Variants in FAM185A observed in about 807,000 individuals in gnomAD.
FAM185A encodes protein FAM185A.
Under a neutral mutation model 45.7 loss-of-function variants are expected in FAM185A, and 21 were observed. The ratio of observed to expected loss-of-function variants is 0.46; its 90% CI spans 0.33 to 0.66. The LOEUF (loss-of-function observed/expected upper bound fraction) is 0.66. Ranked by LOEUF, FAM185A falls within the 30% of genes least tolerant of loss-of-function variation. The probability of loss-of-function intolerance (pLI) is 0.03; values close to 1 mark genes in which losing one functional copy is unlikely to be tolerated. For synonymous variants in FAM185A, 117 were observed against 194.0 expected (o/e 0.60, Z 3.30); for missense variants, 305 against 485.4 (o/e 0.63, Z 3.49).
At chr7:102,796,993 TC>T (rs1796468486) in intron 7 of FAM185A, among the ~76,000 whole-genome samples, 1 of 152,216 alleles carries the variant, frequency 6.6e-6, no homozygotes, top group Non-Finnish European at 1.5e-5. Context: ...ATTGTATACT[TC>T]CTCAGTATAC....
chr7:102,811,473 G>A (rs1283273726), downstream of FAM185A, among the ~76,000 whole-genome samples: 1 of 152,162 alleles, frequency 6.6e-6, no homozygotes, highest in African/African-American at 2.4e-5. Context: ...TTATGTAGCT[G>A]TAAAATTTGT....
chr7:102,846,361 A>G, the FAM185A span, among the ~76,000 whole-genome samples: 1 of 152,158 alleles, frequency 6.6e-6, no homozygotes, highest in Admixed American at 6.5e-5. Context: ...GCTGATGCCT[A>G]TAATACTGGC....
the FAM185A span, among the ~76,000 whole-genome samples, chr7:102,821,416 C>T: frequency 6.6e-6 from 1 of 152,204 alleles, no homozygotes; most frequent in African/African-American, 2.4e-5. Context: ...TGTTCTTCCT[C>T]AGGCCTCAAG....
intron 7 of FAM185A, among the ~76,000 whole-genome samples, chr7:102,802,228 G>T (rs1796841230): frequency 6.6e-6 from 1 of 152,142 alleles, no homozygotes; most frequent in African/African-American, 2.4e-5. Context: ...TCCAACAACT[G>T]CAGGATACAC....
rs186088843 is a variant in FAM185A at position 102,787,041 on chromosome 7, T to C, written c.932-294T>C. 1.8e-3 allele frequency among the ~76,000 whole-genome samples: 273 copies of C among 152,262 alleles called. 1 individual carries two copies. The highest frequency in any genetic ancestry group is 6.3e-3 in the African/African-American group (260 of 41,548). Reference sequence around the variant, plus strand: ...TCCTATCTATAAGCTACAGGTGTAGTAAATTACTCACTTTCTGGTGTTGGA... The same window carrying C: ...TCCTATCTATAAGCTACAGGTGTAGCAAATTACTCACTTTCTGGTGTTGGA... On this transcript the variant is annotated intron_variant, in intron 6 of 7. Coordinates refer to ENST00000413034, the MANE Select transcript of FAM185A (RefSeq NM_001145268.2).
chr7:102,825,031 AG>A, the FAM185A span, among the ~76,000 whole-genome samples: 8 of 152,252 alleles, frequency 5.3e-5, no homozygotes, highest in Non-Finnish European at 1.0e-4. Context: ...GATGTAGTTT[AG>A]TTTATCATTT....
chr7:102,788,426 T>C (rs1425827768), intron 7 of FAM185A, among the ~76,000 whole-genome samples: 3 of 152,106 alleles, frequency 2.0e-5, no homozygotes, highest in South Asian at 2.1e-4. Context: ...AAAGGAAGAA[T>C]TGGGGAGTAG....
chr7:102,783,229 T>C (rs149805825), intron 6 of FAM185A, among the ~76,000 whole-genome samples: 28,769 of 150,710 alleles, frequency 0.19, 3,148 homozygotes, highest in East Asian at 0.52. Flanking sequence ...CTGTCAGCAT[T>C]AGACAGATCA....
chr7:102,849,775 A>T, the FAM185A span, among the ~76,000 whole-genome samples: 1 of 152,148 alleles, frequency 6.6e-6, no homozygotes, highest in South Asian at 2.1e-4. Context: ...CAGAAGTATG[A>T]ATCTTGGAAG....
intron 5 of FAM185A, among the ~76,000 whole-genome samples, chr7:102,776,154 T>C (rs1333872367): frequency 7.0e-6 from 1 of 143,402 alleles, no homozygotes; most frequent in Non-Finnish European, 1.5e-5. Context: ...AGTATAATTT[T>C]TGGCATAGTT....
downstream of FAM185A, among the ~76,000 whole-genome samples, chr7:102,813,906 T>G (rs1451834019): frequency 6.6e-6 from 1 of 152,138 alleles, no homozygotes; most frequent in Non-Finnish European, 1.5e-5. Context: ...AGGCTGACCA[T>G]GCACCAGGCC....
chr7:102,772,438 A>G lies in FAM185A; in HGVS notation c.823A>G (p.Asn275Asp), dbSNP rs1270197445. ...TATAACATTACAAAGCAAGATGGGT[A>G]ACATCACAGTAGGTATGTGCTAAGC... is the stretch of plus-strand genomic sequence containing the variant. Reference protein sequence around the residue: ...GNITLQSKMGNITVDSSSGCL... With the variant: ...GNITLQSKMGDITVDSSSGCL... Residue 275 changes from asparagine (N) to aspartate (D), a missense_variant, in exon 5 of 8, where the codon AAC (asparagine) becomes GAC (aspartate). Coordinates refer to ENST00000413034, the MANE Select transcript of FAM185A (RefSeq NM_001145268.2). The G allele has an allele frequency of 6.5e-7, 1 of 1,545,500 alleles. No homozygotes were observed. The highest frequency in any genetic ancestry group is 8.7e-7 in the Non-Finnish European group (1 of 1,144,514).
intron 2 of FAM185A, among the ~76,000 whole-genome samples, chr7:102,753,143 G>T (rs1045936960): frequency 3.9e-5 from 6 of 152,278 alleles, no homozygotes; most frequent in South Asian, 4.1e-4. Flanking sequence ...GTAAAAGATT[G>T]TGTAATAAGG....
downstream of FAM185A, chr7:102,813,438 G>A (rs766621895): frequency 5.5e-5 from 89 of 1,613,984 alleles, no homozygotes; most frequent in South Asian, 8.7e-4. Context: ...CTGTAACAGG[G>A]TTTCCTTCCC....
the FAM185A span, among the ~76,000 whole-genome samples, chr7:102,834,119 AAAGAAAGAAAGAAAG>A: frequency 0.01 from 1,179 of 116,558 alleles, 17 homozygotes; most frequent in Middle Eastern, 0.018. Context: ...AGAAAGAAAG[AAAGAAAGAAAGAAAG>A]AAAGAAAAGA....
chr7:102,779,357 TATG>T (rs1341035278), intron 6 of FAM185A, among the ~76,000 whole-genome samples: 5 of 151,966 alleles, frequency 3.3e-5, no homozygotes, highest in African/African-American at 1.2e-4. Flanking sequence ...CTTTTAAAGA[TATG>T]GAGGGAGATG....
At chr7:102,780,090 G>C (rs1298437915) in intron 6 of FAM185A, among the ~76,000 whole-genome samples, 2 of 151,834 alleles carry the variant, frequency 1.3e-5, no homozygotes, top group East Asian at 3.9e-4. Context: ...AGAACAGTTT[G>C]TCATGCTTAT....
chr7:102,823,417 G>C, the FAM185A span, among the ~76,000 whole-genome samples: 65 of 152,284 alleles, frequency 4.3e-4, no homozygotes, highest in African/African-American at 1.5e-3. Context: ...TCTGGAAAGG[G>C]ACAAGTAGGT....
intron 4 of FAM185A, among the ~76,000 whole-genome samples, chr7:102,763,870 A>G (rs1364682817): frequency 1.3e-5 from 2 of 152,258 alleles, no homozygotes; most frequent in African/African-American, 4.8e-5. Flanking sequence ...CCAAGGGTGC[A>G]AAGTTGGGCA....
Sources: allele counts gnomAD v4.1 joint callset (sites outside exome capture counted in the v4.1 genomes callset), GRCh38; gene constraint gnomAD v4.1.1; transcripts MANE v1.5; gene names NCBI Gene and HGNC (gene_info 2026-07-23, HGNC 2026-07-21).